Variants in RBFOX1 observed in about 807,000 individuals in gnomAD.
The protein encoded by RBFOX1 is RNA binding protein fox-1 homolog 1.
In RBFOX1, 8 loss-of-function variants were observed where a neutral mutation model predicts 57.7. The observed-to-expected ratio is 0.14, with a 90% CI of 0.08 to 0.25. RBFOX1 has a LOEUF of 0.25. Ranked by LOEUF, RBFOX1 falls within the 10% of genes least tolerant of loss-of-function variation. The probability of loss-of-function intolerance (pLI) is 1.00; values close to 1 mark genes in which losing one functional copy is unlikely to be tolerated. For synonymous variants in RBFOX1, 326 were observed against 222.4 expected (o/e 1.47, Z -4.15); for missense variants, 611 against 548.5 (o/e 1.11, Z -1.14).
At chr16:5,294,995 A>T (rs1411382635) in intron 1 of RBFOX1, among the ~76,000 whole-genome samples, 1 of 115,564 alleles carries the variant, frequency 8.7e-6, no homozygotes, top group African/African-American at 2.7e-5. Flanking sequence ...GCACCATTGC[A>T]CTCCAGCCTG....
chr16:7,694,023 CTTT>C (rs1568499852), intron 14 of RBFOX1, among the ~76,000 whole-genome samples: 1 of 152,208 alleles, frequency 6.6e-6, no homozygotes, highest in Admixed American at 6.5e-5. Context: ...TAACACCTGT[CTTT>C]TTTCTTTGAT....
intron 4 of RBFOX1, among the ~76,000 whole-genome samples, chr16:7,316,271 AC>A (rs1194244376): frequency 6.6e-6 from 1 of 152,188 alleles, no homozygotes; most frequent in Non-Finnish European, 1.5e-5. Context: ...CACATAGCAG[AC>A]TTTTGAGAGT....
chr16:5,439,539 C>G (rs1364214460), intron 1 of RBFOX1, among the ~76,000 whole-genome samples: 1 of 151,730 alleles, frequency 6.6e-6, no homozygotes, highest in African/African-American at 2.4e-5. Flanking sequence ...GTAGGTAGAA[C>G]CGGGGAGACT....
chr16:7,128,094 G>A (rs184407255), intron 4 of RBFOX1, among the ~76,000 whole-genome samples: 1 of 152,304 alleles, frequency 6.6e-6, no homozygotes, highest in East Asian at 1.9e-4. Flanking sequence ...TGATGCAGCA[G>A]CTCCAGGCTT....
At position 7,284,229 on chromosome 16, in the gene RBFOX1, G is replaced by A. The variant is rs143339455; in HGVS notation, c.27+232131G>A. Among the ~76,000 whole-genome samples the A allele has an allele frequency of 3.8e-3, 577 of 152,332 alleles. 8 individuals carry two copies. Among genetic ancestry groups the A allele is most frequent in the African/African-American group, 0.013 (553 of 41,572 alleles). ...TTTTGCTGATTATGAAACAGTTGCT[G>A]TAAGCATTTATGTACAGGTAATTCT... On this transcript the variant is annotated intron_variant, in intron 4 of 15. Coordinates refer to ENST00000550418, the MANE Select transcript of RBFOX1 (RefSeq NM_018723.4).
intron 4 of RBFOX1, among the ~76,000 whole-genome samples, chr16:7,214,863 G>T (rs1244981716): frequency 6.6e-6 from 1 of 152,138 alleles, no homozygotes; most frequent in East Asian, 1.9e-4. Flanking sequence ...CTGGGTGTCT[G>T]TCTCACAGTG....
At chr16:5,689,558 A>G (rs2050605403) in intron 3 of RBFOX1, among the ~76,000 whole-genome samples, 1 of 152,182 alleles carries the variant, frequency 6.6e-6, no homozygotes, top group African/African-American at 2.4e-5. Context: ...GCACACCAGG[A>G]AAGACTTTTT....
At chr16:6,053,263 A>G (rs1443097221) in intron 1 of RBFOX1, among the ~76,000 whole-genome samples, 1 of 152,174 alleles carries the variant, frequency 6.6e-6, no homozygotes, top group Non-Finnish European at 1.5e-5. Flanking sequence ...ATAACGGAAT[A>G]ATATTGTCTG....
chr16:7,300,945 T>C (rs959089604), intron 4 of RBFOX1, among the ~76,000 whole-genome samples: 3 of 152,154 alleles, frequency 2.0e-5, no homozygotes, highest in Non-Finnish European at 2.9e-5. Context: ...TATGAACCCA[T>C]GTGATGTTGA....
intron 2 of RBFOX1, among the ~76,000 whole-genome samples, chr16:6,338,709 A>T (rs2084105615): frequency 6.6e-6 from 1 of 152,210 alleles, no homozygotes; most frequent in Non-Finnish European, 1.5e-5. Context: ...CACTCAAGAG[A>T]CCTGAAAAAG....
chr16:6,159,729 CTA>C (rs2096864059), intron 1 of RBFOX1, among the ~76,000 whole-genome samples: 2 of 152,194 alleles, frequency 1.3e-5, no homozygotes, highest in South Asian at 2.1e-4. Context: ...CAGCTTCATT[CTA>C]TGTTTCCTTA....
chr16:6,472,608 CTTCTTTCTTTT>C (rs907234357), intron 2 of RBFOX1, among the ~76,000 whole-genome samples: 8 of 151,742 alleles, frequency 5.3e-5, no homozygotes, highest in African/African-American at 9.7e-5. Flanking sequence ...CTCTGCCCAG[CTTCTTTCTTTT>C]TTCTTTCTTT....
intron 3 of RBFOX1, among the ~76,000 whole-genome samples, chr16:5,770,742 T>C (rs776166810): frequency 3.3e-5 from 5 of 152,230 alleles, no homozygotes; most frequent in Admixed American, 6.5e-5. Context: ...TTTATTCCAC[T>C]GTTTAAACAC....
chr16:6,708,318 A>G (rs2063130891), intron 3 of RBFOX1, among the ~76,000 whole-genome samples: 1 of 152,130 alleles, frequency 6.6e-6, no homozygotes, highest in Admixed American at 6.5e-5. Flanking sequence ...ACACTCATTC[A>G]CAAAAATCAC....
At chr16:5,463,536 G>A (rs985270000) in intron 1 of RBFOX1, among the ~76,000 whole-genome samples, 3 of 152,024 alleles carry the variant, frequency 2.0e-5, no homozygotes, top group African/African-American at 7.2e-5. Flanking sequence ...GTGGTGGGTC[G>A]TGTCTGTAAT....
intron 3 of RBFOX1, among the ~76,000 whole-genome samples, chr16:5,635,597 C>G (rs2048658834): frequency 6.6e-6 from 1 of 152,226 alleles, no homozygotes. Context: ...CTCAAACTTT[C>G]TGGCATCTCA....
chr16:6,386,504 C>G lies in RBFOX1; in HGVS notation c.-64+69447C>G, dbSNP rs574610134. ...ACCCCGATGCTGGGGATACACCAAA[C>G]ATGATTCCTGCACCTTTTCGAGCTT... On this transcript the variant is annotated intron_variant, in intron 2 of 15. Coordinates refer to ENST00000550418, the MANE Select transcript of RBFOX1 (RefSeq NM_018723.4). 5.3e-5 allele frequency among the ~76,000 whole-genome samples: 8 copies of G among 152,270 alleles called. No homozygotes were observed. The East Asian group carries it at 1.6e-3, about 30-fold the overall frequency.
intron 3 of RBFOX1, among the ~76,000 whole-genome samples, chr16:6,998,488 A>T (rs2092461887): frequency 6.6e-6 from 1 of 152,192 alleles, no homozygotes; most frequent in African/African-American, 2.4e-5. Context: ...ATGATGTCAG[A>T]GCTCTTGGCA....
At chr16:6,613,016 TGTGTGTGTGTGTGTGTGTGTGTGTGTGA>T (rs1270515062) in intron 2 of RBFOX1, among the ~76,000 whole-genome samples, 1 of 137,216 alleles carries the variant, frequency 7.3e-6, no homozygotes, top group African/African-American at 2.6e-5. Flanking sequence ...TGTGTGTGTG[TGTGTGTGTGTGTGTGTGTGTGTGTGTGA>T]GTGTGTGTGT....
Sources: allele counts gnomAD v4.1 joint callset (sites outside exome capture counted in the v4.1 genomes callset), GRCh38; gene constraint gnomAD v4.1.1; transcripts MANE v1.5; gene names NCBI Gene and HGNC (gene_info 2026-07-23, HGNC 2026-07-21).